Variants in USP15 observed in about 807,000 individuals in gnomAD.
The protein encoded by USP15 is ubiquitin specific peptidase 15.
USP15 carries 18 observed loss-of-function variants against 127.1 expected under a neutral mutation model. That is an observed-to-expected ratio of 0.14 (90% CI 0.10 to 0.21). The LOEUF (loss-of-function observed/expected upper bound fraction) is 0.21. USP15 is among the 10% of genes least tolerant of loss of function. The probability of loss-of-function intolerance (pLI) is 1.00; values close to 1 mark genes in which losing one functional copy is unlikely to be tolerated. For missense variants in USP15, 805 were observed against 1,159.9 expected (o/e 0.69, Z 4.44); for synonymous variants, 364 against 393.7 (o/e 0.92, Z 0.89).
At chr12:62,372,482 GT>G (rs914370433) in intron 8 of USP15, among the ~76,000 whole-genome samples, 67 of 152,068 alleles carry the variant, frequency 4.4e-4, no homozygotes, top group Non-Finnish European at 6.9e-4. Context: ...AACAATTAAA[GT>G]TTTTTTATTA....
chr12:62,388,412 C>T (rs1191821137), intron 11 of USP15, among the ~76,000 whole-genome samples: 1 of 152,118 alleles, frequency 6.6e-6, no homozygotes, highest in East Asian at 1.9e-4. Flanking sequence ...GGATTACAGG[C>T]GTGAGCCACT....
chr12:62,394,258 G>T (rs1275337830), intron 19 of USP15, among the ~76,000 whole-genome samples: 3 of 152,078 alleles, frequency 2.0e-5, no homozygotes, highest in East Asian at 1.9e-4. Context: ...ATCCCATTTT[G>T]CAAAAAGAAC....
intron 11 of USP15, among the ~76,000 whole-genome samples, chr12:62,388,167 G>A (rs954039124): frequency 1.7e-5 from 2 of 116,792 alleles, no homozygotes; most frequent in Non-Finnish European, 3.2e-5. Flanking sequence ...GTCTTGCTCT[G>A]TCACCCAAGT....
chr12:62,356,550 A>G (rs1446749419), intron 8 of USP15, among the ~76,000 whole-genome samples: 1 of 151,978 alleles, frequency 6.6e-6, no homozygotes, highest in Non-Finnish European at 1.5e-5. Context: ...TGAATAGGGA[A>G]GGCATAATCG....
chr12:62,297,126 G>A (rs1413189868), intron 2 of USP15, among the ~76,000 whole-genome samples: 1 of 152,162 alleles, frequency 6.6e-6, no homozygotes, highest in Non-Finnish European at 1.5e-5. Context: ...TGCTGCTTGA[G>A]GGGCCAGTTT....
intron 8 of USP15, among the ~76,000 whole-genome samples, chr12:62,375,005 T>C (rs2066781679): frequency 6.6e-6 from 1 of 152,108 alleles, no homozygotes; most frequent in South Asian, 2.1e-4. Flanking sequence ...CATAAACCAT[T>C]CAAATATTTT....
At chr12:62,313,922 G>A (rs1408742278) in intron 3 of USP15, 28 of 344,216 alleles carry the variant, frequency 8.1e-5, no homozygotes, top group Non-Finnish European at 1.1e-4. Context: ...ATATCCCAAC[G>A]GTCATTTGGA....
chr12:62,363,017 T>C (rs1352264138), intron 8 of USP15, among the ~76,000 whole-genome samples: 1 of 152,152 alleles, frequency 6.6e-6, no homozygotes, highest in African/African-American at 2.4e-5. Context: ...TGGAATAATG[T>C]ATGAAGGGGA....
intron 1 of USP15, among the ~76,000 whole-genome samples, chr12:62,275,243 C>T (rs2137067609): frequency 6.6e-6 from 1 of 152,018 alleles, no homozygotes; most frequent in East Asian, 1.9e-4. Flanking sequence ...GATTCAAGAA[C>T]TTGAGGACTA....
chr12:62,280,281 G>C (rs2063610571), intron 1 of USP15, among the ~76,000 whole-genome samples: 2 of 152,210 alleles, frequency 1.3e-5, no homozygotes, highest in African/African-American at 4.8e-5. Flanking sequence ...GGGAAGTGGG[G>C]AGAGGGTTAT....
At chr12:62,280,329 T>A (rs747545041) in intron 1 of USP15, among the ~76,000 whole-genome samples, 35 of 152,136 alleles carry the variant, frequency 2.3e-4, no homozygotes, top group Non-Finnish European at 4.7e-4. Context: ...TAGGCAGATA[T>A]GTGAAAGATT....
At chr12:62,278,222 A>AATATTCATGG (rs1203508749) in intron 1 of USP15, among the ~76,000 whole-genome samples, 74 of 152,270 alleles carry the variant, frequency 4.9e-4, no homozygotes, top group Admixed American at 2.2e-3. Context: ...CATGGGCAGT[A>AATATTCATGG]ATATTCATGG....
At position 62,292,643 on chromosome 12, in the gene USP15, C is replaced by T. The variant is rs561389242; in HGVS notation, c.90-1536C>T. On this transcript the variant is annotated intron_variant, in intron 1 of 21. Coordinates refer to ENST00000280377, the MANE Select transcript of USP15 (RefSeq NM_001252078.2). ...GGCCACTTGGCCAGTGGTACAGGAC[C>T]TTACTCCTCACTTGCAGTGCTGAGC... Among the ~76,000 whole-genome samples the T allele has an allele frequency of 1.9e-3, 290 of 152,302 alleles. 3 individuals carry two copies. The highest frequency in any genetic ancestry group is 6.7e-3 in the African/African-American group (278 of 41,574).
intron 11 of USP15, 23 bp from the exon 12 acceptor site, chr12:62,389,408 T>C: frequency 1.3e-6 from 2 of 1,590,330 alleles, no homozygotes; most frequent in South Asian, 1.1e-5. Context: ...AATAAATTCA[T>C]TACAATTTTT....
intron 7 of USP15, among the ~76,000 whole-genome samples, chr12:62,352,343 A>C (rs1344458823): frequency 6.6e-6 from 1 of 151,860 alleles, no homozygotes; most frequent in African/African-American, 2.4e-5. Flanking sequence ...TCATAATTTT[A>C]CCTATTAGTC....
intron 2 of USP15, 112 bp downstream of exon 2, chr12:62,294,418 A>G (rs1386958419): frequency 7.9e-7 from 1 of 1,272,278 alleles, no homozygotes; most frequent in East Asian, 2.6e-5. Flanking sequence ...AAAGTTTTGC[A>G]TTACAGATTT....
chr12:62,316,283 CAA>C (rs146374195), intron 4 of USP15, among the ~76,000 whole-genome samples: 57 of 85,074 alleles, frequency 6.7e-4, no homozygotes, highest in Middle Eastern at 7.2e-3. Flanking sequence ...GACTTTATCT[CAA>C]AAAAAAAAAA....
intron 8 of USP15, among the ~76,000 whole-genome samples, chr12:62,363,652 C>T (rs2066383748): frequency 6.6e-6 from 1 of 151,912 alleles, no homozygotes; most frequent in Non-Finnish European, 1.5e-5. Flanking sequence ...GTGTATCTTC[C>T]CCTACTCCCA....
At chr12:62,274,011 A>G (rs1267679333) in intron 1 of USP15, 1 of 152,076 alleles carries the variant, frequency 6.6e-6, no homozygotes, top group Non-Finnish European at 1.5e-5. Context: ...AGTGTGGTAT[A>G]TGATTTTACT....
Sources: allele counts gnomAD v4.1 joint callset (sites outside exome capture counted in the v4.1 genomes callset), GRCh38; gene constraint gnomAD v4.1.1; transcripts MANE v1.5; gene names NCBI Gene and HGNC (gene_info 2026-07-23, HGNC 2026-07-21).